Variants in GMPS observed in about 807,000 individuals in gnomAD.
The protein encoded by GMPS is GMP synthase [glutamine-hydrolyzing].
Under a neutral mutation model 77.9 loss-of-function variants are expected in GMPS, and 15 were observed. That is an observed-to-expected ratio of 0.19 (90% CI 0.13 to 0.30). The LOEUF (loss-of-function observed/expected upper bound fraction) is 0.30. GMPS is among the 10% of genes least tolerant of loss of function. The pLI is 1.00. For missense variants in GMPS, 590 were observed against 838.8 expected, an observed-to-expected ratio of 0.70 and a Z score of 3.66; for synonymous variants, 224 against 275.9, an observed-to-expected ratio of 0.81 and a Z score of 1.86.
At chr3:155,885,849 G>A (rs754302318) in intron 1 of GMPS, among the ~76,000 whole-genome samples, 9 of 152,128 alleles carry the variant, frequency 5.9e-5, no homozygotes, top group Admixed American at 2.0e-4. Flanking sequence ...AGAGAATCTC[G>A]CTCTGTCACA....
At chr3:155,913,133 G>T (rs549677623) in intron 7 of GMPS, among the ~76,000 whole-genome samples, 7 of 152,290 alleles carry the variant, frequency 4.6e-5, no homozygotes, top group African/African-American at 1.2e-4. Flanking sequence ...CACTTCCTCT[G>T]TTTAACTGCC....
chr3:155,927,517 T>A (rs570841920), intron 12 of GMPS, among the ~76,000 whole-genome samples: 2 of 152,318 alleles, frequency 1.3e-5, no homozygotes, highest in Admixed American at 1.3e-4. Flanking sequence ...CTCTACTACT[T>A]TTCCCACCAA....
intron 11 of GMPS, among the ~76,000 whole-genome samples, chr3:155,923,542 A>T (rs1194182404): frequency 6.6e-6 from 1 of 152,214 alleles, no homozygotes; most frequent in Non-Finnish European, 1.5e-5. Flanking sequence ...CGGAGAACAG[A>T]TCAATTACCT....
intron 9 of GMPS, among the ~76,000 whole-genome samples, chr3:155,917,955 A>G (rs975939411): frequency 7.2e-5 from 11 of 152,324 alleles, no homozygotes; most frequent in Non-Finnish European, 8.8e-5. Flanking sequence ...ATTTTTGTTT[A>G]TCTTTTGGAT....
intron 10 of GMPS, among the ~76,000 whole-genome samples, chr3:155,920,789 T>C (rs1177212250): frequency 2.0e-5 from 3 of 152,180 alleles, no homozygotes; most frequent in African/African-American, 7.2e-5. Flanking sequence ...CTGTTTATTC[T>C]AAAGGTAAAG....
At chr3:155,927,892 C>T (rs766276199) in intron 12 of GMPS, among the ~76,000 whole-genome samples, 14 of 152,012 alleles carry the variant, frequency 9.2e-5, no homozygotes, top group Non-Finnish European at 1.9e-4. Context: ...CTATGCATAC[C>T]ATCATTTATT....
At chr3:155,917,312 A>G (rs539594310) in intron 9 of GMPS, among the ~76,000 whole-genome samples, 12 of 152,266 alleles carry the variant, frequency 7.9e-5, no homozygotes, top group Non-Finnish European at 1.5e-4. Flanking sequence ...CAGTAGTGTT[A>G]GGTGTATTCA....
Position 155,943,908 on chromosome 3 carries a change from A to T in GMPS, c.*6216A>T, listed in dbSNP as rs1363653302. Reference sequence around the variant, plus strand: ...TATAGTAGGGGTTAACATTTTGCTCAATGTTAACGGGGGACATAATGGACA... The same window carrying T: ...TATAGTAGGGGTTAACATTTTGCTCTATGTTAACGGGGGACATAATGGACA... On this transcript the variant is annotated 3_prime_UTR_variant, in exon 16 of 16. Transcript: ENST00000496455. 2 of 152,556 alleles carry T rather than the reference A, an allele frequency of 1.3e-5. No homozygotes were observed. The highest frequency in any genetic ancestry group is 4.8e-5 in the African/African-American group (2 of 41,590). 9.5% of individuals were successfully genotyped at this position (152,556 alleles called of 1,614,324 possible).
At chr3:155,871,045 C>A in intron 1 of GMPS, 148 bp downstream of exon 1, 1 of 619,792 alleles carries the variant, frequency 1.6e-6, no homozygotes, top group South Asian at 3.1e-5. Flanking sequence ...CGTAGAGTCC[C>A]TGGTCGGGGC....
At chr3:155,903,646 T>G (rs1412631253) in intron 3 of GMPS, among the ~76,000 whole-genome samples, 1 of 152,214 alleles carries the variant, frequency 6.6e-6, no homozygotes, top group Admixed American at 6.5e-5. Flanking sequence ...GCAGGTCAAA[T>G]TTTGAATCCA....
In GMPS at chr3:155,919,317, G is replaced by A. The variant is rs1327238353; in HGVS notation, c.1297G>A (p.Val433Ile). The A allele has an allele frequency of 1.3e-6, 2 of 1,575,360 alleles. No individual in the cohort carries two copies. The highest frequency in any genetic ancestry group is 2.3e-5 in the East Asian group (1 of 44,352). Residue 433 changes from valine (V) to isoleucine (I), a missense_variant, in exon 10 of 16, where the codon GTT becomes ATT. Physicochemically the swap from Val to Ile is conservative, Grantham distance 29. Transcript: ENST00000496455. ...GRELGLPEEL[V>I]SRHPFPGPGL... The stretch of plus-strand genomic sequence containing the variant: ...AGAACTTGGACTTCCAGAAGAGTTA[G>A]TTTCCAGGCATCCATTTCCAGGTAA...
intron 11 of GMPS, 67 bp downstream of exon 11, chr3:155,922,369 A>G (rs1415601375): frequency 9.7e-6 from 6 of 620,566 alleles, no homozygotes; most frequent in African/African-American, 1.9e-5. Flanking sequence ...CAGCATTTAT[A>G]ATGAATTTTT....
intron 12 of GMPS, among the ~76,000 whole-genome samples, chr3:155,930,617 A>C (rs1258594840): frequency 6.6e-6 from 1 of 152,212 alleles, no homozygotes; most frequent in Non-Finnish European, 1.5e-5. Context: ...CTTATCTGAC[A>C]AAGGGCTAAT....
At chr3:155,919,678 T>G (rs576665990) in intron 10 of GMPS, among the ~76,000 whole-genome samples, 21 of 152,306 alleles carry the variant, frequency 1.4e-4, no homozygotes, top group Admixed American at 2.0e-4. Flanking sequence ...GTTATATTAT[T>G]TGTACCATAC....
In GMPS at chr3:155,893,562, T is replaced by C. The variant is rs757839005; in HGVS notation, c.72T>C (p.Tyr24=). The change falls in exon 2 of 16, where the codon TAT becomes TAC. Residue 24 remains tyrosine, a synonymous_variant. Coordinates refer to ENST00000496455, the MANE Select transcript of GMPS (RefSeq NM_003875.3). The part of the protein sequence containing the change: ...GGDLKDGHHH[Y]EGAVVILDAG... ...ACCTTAAGGATGGCCACCACCACTATGAAGGAGCTGTTGTCATTCTGGATG... is the reference window on the plus strand; with the variant it reads ...ACCTTAAGGATGGCCACCACCACTACGAAGGAGCTGTTGTCATTCTGGATG... The C allele has an allele frequency of 6.8e-6, 11 of 1,612,856 alleles. No homozygotes were observed. Among genetic ancestry groups the C allele is most frequent in the Non-Finnish European group, 5.9e-6 (7 of 1,178,958 alleles).
chr3:155,930,716 G>A (rs1340577181), intron 12 of GMPS, among the ~76,000 whole-genome samples: 5 of 152,192 alleles, frequency 3.3e-5, no homozygotes, highest in East Asian at 1.9e-4. Flanking sequence ...ACTTAAACAC[G>A]TTGATAAGTA....
chr3:155,874,443 G>T (rs1299846684), intron 1 of GMPS, among the ~76,000 whole-genome samples: 2 of 152,180 alleles, frequency 1.3e-5, no homozygotes, highest in Admixed American at 1.3e-4. Flanking sequence ...AATGGAATGG[G>T]AATATAACTT....
intron 11 of GMPS, among the ~76,000 whole-genome samples, chr3:155,923,205 G>A (rs1755360954): frequency 2.6e-5 from 4 of 151,792 alleles, no homozygotes; most frequent in Admixed American, 2.6e-4. Context: ...TCTAAGTTCT[G>A]GGAATGAAAA....
rs999918737 is a variant in GMPS, at chr3:155,943,979, T to A, written c.*6287T>A. The A allele has an allele frequency of 3.3e-5, 5 of 152,294 alleles. No individual in the cohort carries two copies. Among genetic ancestry groups the A allele is most frequent in the African/African-American group, 1.2e-4 (5 of 41,582 alleles). 9.4% of individuals were successfully genotyped at this position (152,294 alleles called of 1,614,324 possible). A position where few individuals can be genotyped will look rare whatever the true frequency, so the allele number is the denominator to read the frequency against. On this transcript the variant is annotated 3_prime_UTR_variant, in exon 16 of 16. Transcript: ENST00000496455. ...TATTTAAATGAGCTAAAGGTGTGCG[T>A]ATACACATGCACTTATAAAATTAAA...
Sources: allele counts gnomAD v4.1 joint callset (sites outside exome capture counted in the v4.1 genomes callset), GRCh38; gene constraint gnomAD v4.1.1; transcripts MANE v1.5; gene names NCBI Gene and HGNC (gene_info 2026-07-23, HGNC 2026-07-21).